The following ARSB variants were observed in gnomAD, a reference collection of about 807,000 sequenced individuals.
ARSB encodes the protein N-acetylgalactosamine-4-sulfatase.
Under a neutral mutation model 50.9 loss-of-function variants are expected in ARSB, and 41 were observed. The observed-to-expected ratio is 0.81, with a 90% CI of 0.63 to 1.04. The LOEUF is 1.04. ARSB is among the 50% of genes least tolerant of loss of function. The pLI is 0.00. For synonymous variants in ARSB, 269 were observed against 284.8 expected (o/e 0.94, Z 0.56); for missense variants, 672 against 693.3 (o/e 0.97, Z 0.35).
At chr5:78,952,064 G>A (rs1377221459) in intron 4 of ARSB, among the ~76,000 whole-genome samples, 1 of 152,084 alleles carries the variant, frequency 6.6e-6, no homozygotes, top group Non-Finnish European at 1.5e-5. Context: ...GATGATCCAA[G>A]ATTAAGATAT....
rs1037218648 is a variant in ARSB at position 78,815,242 on chromosome 5, T to C, written c.1213+24114A>G. The stretch of plus-strand genomic sequence containing the variant: ...CCCTAAACTCCTAATTAGAAGATCA[T>C]AATGGTCATCTCCTTTCCCCTTCTC... On this transcript the variant is annotated intron_variant, in intron 6 of 7. Transcript: ENST00000264914. 3.3e-5 allele frequency among the ~76,000 whole-genome samples: 5 copies of C among 150,832 alleles called. 1 individual carries two copies. The highest frequency in any genetic ancestry group is 1.2e-4 in the African/African-American group (5 of 40,700).
chr5:78,874,990 G>A (rs1747419994), intron 5 of ARSB, among the ~76,000 whole-genome samples: 1 of 152,136 alleles, frequency 6.6e-6, no homozygotes, highest in Non-Finnish European at 1.5e-5. Context: ...GTACATGCCT[G>A]TAGTGCCAGC....
At chr5:78,836,940 G>C (rs968679968) in intron 6 of ARSB, among the ~76,000 whole-genome samples, 4 of 152,100 alleles carry the variant, frequency 2.6e-5, no homozygotes, top group South Asian at 2.1e-4. Context: ...GAGAGCGAAG[G>C]GGGAGGTGCC....
intron 5 of ARSB, among the ~76,000 whole-genome samples, chr5:78,863,271 G>A (rs967938596): frequency 3.3e-5 from 5 of 152,106 alleles, no homozygotes; most frequent in African/African-American, 1.2e-4. Context: ...ATACCCAAAG[G>A]ATTATAAATC....
intron 5 of ARSB, among the ~76,000 whole-genome samples, chr5:78,851,717 G>A (rs541249747): frequency 1.3e-5 from 2 of 152,298 alleles, no homozygotes; most frequent in Non-Finnish European, 2.9e-5. Context: ...AGGTCACTCA[G>A]GACTTGCTTT....
At chr5:78,873,154 A>G (rs1747308922) in intron 5 of ARSB, among the ~76,000 whole-genome samples, 1 of 152,228 alleles carries the variant, frequency 6.6e-6, no homozygotes, top group Non-Finnish European at 1.5e-5. Context: ...ATTAAATATA[A>G]TGAAATCATC....
At chr5:78,929,361 G>T (rs1371292024) in intron 4 of ARSB, among the ~76,000 whole-genome samples, 2 of 152,104 alleles carry the variant, frequency 1.3e-5, no homozygotes, top group Non-Finnish European at 2.9e-5. Flanking sequence ...ACAGGGGATG[G>T]ATCATGGCCT....
chr5:78,833,674 A>G (rs1364278632), intron 6 of ARSB, among the ~76,000 whole-genome samples: 1 of 152,236 alleles, frequency 6.6e-6, no homozygotes, highest in African/African-American at 2.4e-5. Flanking sequence ...AACTCAGAAC[A>G]GCAAGAAGAG....
chr5:78,944,239 C>T (rs1359898943), intron 4 of ARSB, among the ~76,000 whole-genome samples: 9 of 152,292 alleles, frequency 5.9e-5, no homozygotes, highest in Non-Finnish European at 1.2e-4. Flanking sequence ...TCCTTTAGCT[C>T]GGAGAAGTTT....
intron 6 of ARSB, among the ~76,000 whole-genome samples, chr5:78,800,614 T>C (rs1367657694): frequency 6.6e-6 from 1 of 152,162 alleles, no homozygotes; most frequent in Non-Finnish European, 1.5e-5. Flanking sequence ...TTAAATTAAT[T>C]AATAATTTTT....
intron 4 of ARSB, among the ~76,000 whole-genome samples, chr5:78,904,098 T>A (rs1321123048): frequency 1.3e-5 from 2 of 152,212 alleles, no homozygotes. Context: ...TCATAGTGTG[T>A]GTAATCTTTT....
At chr5:78,864,077 G>A (rs181584549) in intron 5 of ARSB, among the ~76,000 whole-genome samples, 57 of 151,976 alleles carry the variant, frequency 3.8e-4, no homozygotes, top group African/African-American at 1.3e-3. Context: ...CCTGGGTGAA[G>A]TGAGGAAACA....
At position 78,969,261 on chromosome 5, in the gene ARSB, C is replaced by A; in HGVS notation, c.313-69G>T. 4.6e-6 allele frequency: 7 copies of A among 1,521,462 alleles called. No individual in the cohort carries two copies. In the East Asian group the frequency reaches 6.8e-5, roughly 15 times the overall value. 94.2% of individuals were successfully genotyped at this position (1,521,462 alleles called of 1,614,324 possible). A position where few individuals can be genotyped will look rare whatever the true frequency, so the allele number is the denominator to read the frequency against. On this transcript the variant is annotated intron_variant, in intron 1 of 7. Transcript: ENST00000264914. ...TATTGTGAACAAGCAGATAAAATGGCCTTCTACCTTACTGATCATATCTGT... is the reference window on the plus strand; with the variant it reads ...TATTGTGAACAAGCAGATAAAATGGACTTCTACCTTACTGATCATATCTGT...
At chr5:78,916,210 G>T (rs754085901) in intron 4 of ARSB, among the ~76,000 whole-genome samples, 1 of 152,114 alleles carries the variant, frequency 6.6e-6, no homozygotes, top group Admixed American at 6.5e-5. Context: ...CTCAGCAGGC[G>T]GTCTATGACA....
chr5:78,831,088 C>T (rs1744656677), intron 6 of ARSB, among the ~76,000 whole-genome samples: 1 of 152,064 alleles, frequency 6.6e-6, no homozygotes. Flanking sequence ...TGCAACTTTC[C>T]CACCCTGCCC....
At chr5:78,845,306 C>A (rs28880323) in intron 5 of ARSB, among the ~76,000 whole-genome samples, 5,072 of 152,166 alleles carry the variant, frequency 0.033, 118 homozygotes, top group South Asian at 0.05. Context: ...GATTCTATAT[C>A]TTGGGTATTG....
At chr5:78,863,860 A>G (rs1746574576) in intron 5 of ARSB, among the ~76,000 whole-genome samples, 1 of 152,050 alleles carries the variant, frequency 6.6e-6, no homozygotes, top group African/African-American at 2.4e-5. Context: ...ATAATGTTTT[A>G]TCTATAGTTT....
Position 78,912,969 on chromosome 5 carries a change from C to T in ARSB, c.899-27142G>A, listed in dbSNP as rs192066478. 2.9e-4 allele frequency among the ~76,000 whole-genome samples: 44 copies of T among 152,232 alleles called. 1 individual carries two copies. Among genetic ancestry groups the T allele is most frequent in the Non-Finnish European group, 4.4e-4 (30 of 68,008 alleles). ...CTTTTTTTCATGGTTACTCAAAACC[C>T]ACGCAGAGCTAGGAGATAGGGCTCA... On this transcript the variant is annotated intron_variant, in intron 4 of 7. Transcript: ENST00000264914.
At chr5:78,958,234 G>A (rs534960521) in intron 3 of ARSB, among the ~76,000 whole-genome samples, 39 of 152,236 alleles carry the variant, frequency 2.6e-4, no homozygotes, top group African/African-American at 8.7e-4. Flanking sequence ...AACAGTGGCA[G>A]GGGGCAGGGG....
Sources: allele counts gnomAD v4.1 joint callset (sites outside exome capture counted in the v4.1 genomes callset), GRCh38; gene constraint gnomAD v4.1.1; transcripts MANE v1.5; gene names NCBI Gene and HGNC (gene_info 2026-07-23, HGNC 2026-07-21).